Variants in ZNF362 observed in about 807,000 individuals in gnomAD.
ZNF362 encodes the protein rotund homolog.
A neutral mutation model predicts 42.9 loss-of-function variants in ZNF362; 11 were observed. That is an observed-to-expected ratio of 0.26 (90% confidence interval 0.16 to 0.42). The LOEUF is 0.42. ZNF362 is among the 20% of genes least tolerant of loss of function. The pLI is 1.00. For missense variants in ZNF362, 362 were observed against 576.2 expected (o/e 0.63, Z 3.81); for synonymous variants, 255 against 257.3 (o/e 0.99, Z 0.09).
At chr1:33,235,188 G>A in the ZNF362 span, among the ~76,000 whole-genome samples, 1 of 152,046 alleles carries the variant, frequency 6.6e-6, no homozygotes, top group Non-Finnish European at 1.5e-5. Flanking sequence ...AATGGACCAT[G>A]TTCCTCGTCA....
At chr1:33,228,371 A>G in the ZNF362 span, among the ~76,000 whole-genome samples, 1 of 151,898 alleles carries the variant, frequency 6.6e-6, no homozygotes, top group Non-Finnish European at 1.5e-5. Context: ...AGGCCTCCTA[A>G]ATTTTTGTCC....
rs1377503474 is a variant in ZNF362 at position 33,294,856 on chromosome 1, G to A, written c.909-81G>A. On this transcript the variant is annotated intron_variant, in intron 6 of 8. Transcript: ENST00000539719. The surrounding 1 kb of genome is among the most constrained non-coding windows in gnomAD (Gnocchi z 4.2). ...CAGGGTAGGGACCGAGAGGCTTAGGGGCCAGAGTAAGGACTTGGGAACTGG... is the reference window on the plus strand; with the variant it reads ...CAGGGTAGGGACCGAGAGGCTTAGGAGCCAGAGTAAGGACTTGGGAACTGG... The A allele has an allele frequency of 1.3e-5, 19 of 1,511,054 alleles. No homozygotes were observed. The highest frequency in any genetic ancestry group is 6.8e-5 in the Admixed American group (4 of 58,790). 93.6% of individuals were successfully genotyped at this position (1,511,054 alleles called of 1,614,324 possible). A position where few individuals can be genotyped will look rare whatever the true frequency, so the allele number is the denominator to read the frequency against.
chr1:33,165,361 G>A, the ZNF362 span: 4 of 1,050,690 alleles, frequency 3.8e-6, no homozygotes, highest in Non-Finnish European at 4.1e-6. This position sits in a 1 kb window ranked among gnomAD's most constrained non-coding sequence, Gnocchi z 4.0. Context: ...CTTGAAGCCA[G>A]GTTTCCACCG....
the ZNF362 span, among the ~76,000 whole-genome samples, chr1:33,154,495 T>A: frequency 6.6e-6 from 1 of 151,870 alleles, no homozygotes; most frequent in Non-Finnish European, 1.5e-5. Flanking sequence ...TTTTTTTTTC[T>A]TAATTAAATT....
At chr1:33,177,320 G>A in the ZNF362 span, among the ~76,000 whole-genome samples, 1 of 152,104 alleles carries the variant, frequency 6.6e-6, no homozygotes, top group African/African-American at 2.4e-5. The surrounding 1 kb of genome is among the most constrained non-coding windows in gnomAD (Gnocchi z 4.1). Context: ...ACTATGCCAG[G>A]CACAGTACTA....
At chr1:33,207,925 T>C in the ZNF362 span, among the ~76,000 whole-genome samples, 7 of 152,230 alleles carry the variant, frequency 4.6e-5, no homozygotes, top group Non-Finnish European at 7.3e-5. Context: ...TAGTTTCTTT[T>C]GCTGTGCAGA....
At chr1:33,242,599 A>G in the ZNF362 span, among the ~76,000 whole-genome samples, 1 of 152,230 alleles carries the variant, frequency 6.6e-6, no homozygotes, top group Non-Finnish European at 1.5e-5. Context: ...TCTCTAAGAA[A>G]GACACGGAAA....
At chr1:33,135,269 C>T in the ZNF362 span, among the ~76,000 whole-genome samples, 1 of 152,150 alleles carries the variant, frequency 6.6e-6, no homozygotes, top group Admixed American at 6.5e-5. Flanking sequence ...GCCTGGGTGA[C>T]AGAGCAAGAC....
At chr1:33,269,526 A>G (rs1028786063) in intron 1 of ZNF362, among the ~76,000 whole-genome samples, 1 of 152,112 alleles carries the variant, frequency 6.6e-6, no homozygotes, top group Admixed American at 6.6e-5. Context: ...CCATGTGACC[A>G]TGGGGTCTGG....
At chr1:33,128,987 C>T in the ZNF362 span, among the ~76,000 whole-genome samples, 4 of 152,040 alleles carry the variant, frequency 2.6e-5, no homozygotes, top group African/African-American at 4.8e-5. Context: ...TTAGGACAGG[C>T]GTGGCAAAAG....
At chr1:33,245,566 A>T in the ZNF362 span, among the ~76,000 whole-genome samples, 13 of 152,268 alleles carry the variant, frequency 8.5e-5, no homozygotes, top group East Asian at 2.5e-3. Flanking sequence ...GTGAGATGAG[A>T]TCTGAAGATC....
At chr1:33,225,838 C>T in the ZNF362 span, among the ~76,000 whole-genome samples, 29 of 152,306 alleles carry the variant, frequency 1.9e-4, 1 homozygote, top group Middle Eastern at 6.8e-3. Context: ...TGCAGTTTCA[C>T]AAGCAGACAT....
At chr1:33,193,075 T>C in the ZNF362 span, among the ~76,000 whole-genome samples, 1 of 151,168 alleles carries the variant, frequency 6.6e-6, no homozygotes, top group Non-Finnish European at 1.5e-5. Context: ...TGGGGTACTG[T>C]AGAAAGAAAA....
At chr1:33,182,600 T>TTGTGTGTGTGTGTGTGTG in the ZNF362 span, among the ~76,000 whole-genome samples, 3 of 146,978 alleles carry the variant, frequency 2.0e-5, no homozygotes, top group Admixed American at 6.8e-5. Context: ...AGTGCTGTAT[T>TTGTGTGTGTGTGTGTGTG]TGTGTGTGTG....
chr1:33,218,096 T>C, the ZNF362 span, among the ~76,000 whole-genome samples: 1 of 152,200 alleles, frequency 6.6e-6, no homozygotes, highest in Non-Finnish European at 1.5e-5. Context: ...CCTTTAAACA[T>C]ATATTCTTTT....
At chr1:33,177,177 T>G in the ZNF362 span, among the ~76,000 whole-genome samples, 3 of 152,170 alleles carry the variant, frequency 2.0e-5, no homozygotes, top group Admixed American at 2.0e-4. This position sits in a 1 kb window ranked among gnomAD's most constrained non-coding sequence, Gnocchi z 4.1. Flanking sequence ...TCCTTAGAAC[T>G]GTATAGTAAC....
At position 33,280,514 on chromosome 1, in the gene ZNF362, G is replaced by T; in HGVS notation, c.683+57G>T. The T allele has an allele frequency of 6.7e-7, 1 of 1,484,748 alleles. No individual in the cohort carries two copies. Among genetic ancestry groups the T allele is most frequent in the Non-Finnish European group, 9.0e-7 (1 of 1,111,590 alleles). The allele number at this position is 1,484,748 out of a possible 1,614,324, so 92.0% of individuals were successfully genotyped here. A position where few individuals can be genotyped will look rare whatever the true frequency, so the allele number is the denominator to read the frequency against. ...GGCTTGGGGCTGGGGCTTGAGCCAG[G>T]GCTGCTCCAGGAGCCCAGCAGCGGG... is the stretch of plus-strand genomic sequence containing the variant. On this transcript the variant is annotated intron_variant, in intron 5 of 8. Coordinates refer to ENST00000539719, the MANE Select transcript of ZNF362 (RefSeq NM_152493.3). The surrounding 1 kb of genome is among the most constrained non-coding windows in gnomAD (Gnocchi z 5.6).
At chr1:33,223,914 A>G in the ZNF362 span, among the ~76,000 whole-genome samples, 1 of 151,994 alleles carries the variant, frequency 6.6e-6, no homozygotes, top group South Asian at 2.1e-4. Flanking sequence ...AAAAAAAGAA[A>G]AAAGAGACTG....
At chr1:33,132,213 C>T in the ZNF362 span, among the ~76,000 whole-genome samples, 2 of 152,220 alleles carry the variant, frequency 1.3e-5, no homozygotes, top group East Asian at 3.8e-4. Context: ...CCTTACCCTC[C>T]AGCCACTATG....
Sources: gnomAD v4.1 joint callset for allele counts (sites outside exome capture counted in the v4.1 genomes callset) on GRCh38, gnomAD v4.1.1 for gene constraint, Gnocchi (gnomAD v3.1) non-coding constraint, MANE v1.5 for transcripts, NCBI Gene and HGNC (gene_info 2026-07-23, HGNC 2026-07-21) for gene names.